Variants in AGBL4 observed in about 807,000 individuals in gnomAD.
The protein encoded by AGBL4 is AGBL carboxypeptidase 4.
AGBL4 carries 58 observed loss-of-function variants against 66.4 expected under a neutral mutation model. The observed-to-expected ratio is 0.87, with a 90% CI of 0.71 to 1.09. The LOEUF is 1.09. AGBL4 is among the 50% of genes least tolerant of loss of function. AGBL4 has a pLI of 0.00. For synonymous variants in AGBL4, 234 were observed against 222.9 expected, an observed-to-expected ratio of 1.05 and a Z score of -0.44; for missense variants, 579 against 631.0, an observed-to-expected ratio of 0.92 and a Z score of 0.88.
chr1:49,767,121 C>T (rs1652787369), intron 2 of AGBL4, among the ~76,000 whole-genome samples: 1 of 152,096 alleles, frequency 6.6e-6, no homozygotes. Flanking sequence ...TAGACAACTA[C>T]ACAACATTCT....
rs79510573 is a variant in AGBL4, at chr1:48,611,156, C to G, written c.952-20171G>C. 9.9e-3 allele frequency among the ~76,000 whole-genome samples: 1,511 copies of G among 152,348 alleles called. 14 individuals are homozygous for G. The highest frequency in any genetic ancestry group is 0.032 in the African/African-American group (1,321 of 41,586). ...TATCTGTTTGTGAAAAACGGATAGG[C>G]CGCCCAGCCCTCTGGCAGCCTGACA... is the stretch of plus-strand genomic sequence containing the variant. On this transcript the variant is annotated intron_variant, in intron 9 of 13. Coordinates refer to ENST00000371839, the MANE Select transcript of AGBL4 (RefSeq NM_032785.4).
chr1:49,110,608 C>A (rs980976091), intron 4 of AGBL4, among the ~76,000 whole-genome samples: 1 of 152,066 alleles, frequency 6.6e-6, no homozygotes. Flanking sequence ...TCCCCTGGAT[C>A]CCCTGCCTCT....
chr1:49,938,425 G>A (rs546779855), intron 1 of AGBL4, among the ~76,000 whole-genome samples: 1 of 152,250 alleles, frequency 6.6e-6, no homozygotes, highest in South Asian at 2.1e-4. Context: ...GTACAAGGAG[G>A]AACTGGTACC....
chr1:49,948,536 A>AATAAAT (rs1655742311), intron 1 of AGBL4, among the ~76,000 whole-genome samples: 1 of 57,498 alleles, frequency 1.7e-5, no homozygotes, highest in South Asian at 8.1e-4. Context: ...AATATATATA[A>AATAAAT]ATATATAAAT....
intron 6 of AGBL4, among the ~76,000 whole-genome samples, chr1:48,806,854 A>T (rs753575300): frequency 3.3e-5 from 5 of 152,210 alleles, no homozygotes; most frequent in East Asian, 3.9e-4. Context: ...TTGTGGCAAG[A>T]TGAACAGCGA....
chr1:48,793,726 T>C (rs1645605069), intron 6 of AGBL4, among the ~76,000 whole-genome samples: 1 of 152,168 alleles, frequency 6.6e-6, no homozygotes, highest in Admixed American at 6.5e-5. Flanking sequence ...ATGACTGACA[T>C]TGAAGGGGTA....
chr1:48,654,215 C>T lies in AGBL4; in HGVS notation c.725-764G>A, dbSNP rs191477611. On this transcript the variant is annotated intron_variant, in intron 7 of 13. Coordinates refer to ENST00000371839, the MANE Select transcript of AGBL4 (RefSeq NM_032785.4). ...TCTTCTCCATCCCACTGCCTGTCTTCTAACCCAGGCTACCATCACACCAGG... is the reference window on the plus strand; with the variant it reads ...TCTTCTCCATCCCACTGCCTGTCTTTTAACCCAGGCTACCATCACACCAGG... 4.0e-4 allele frequency among the ~76,000 whole-genome samples: 61 copies of T among 152,318 alleles called. 1 individual carries two copies. The highest frequency in any genetic ancestry group is 2.9e-4 in the Non-Finnish European group (20 of 68,030).
chr1:49,380,511 A>C (rs1214485020), intron 3 of AGBL4, among the ~76,000 whole-genome samples: 7 of 152,026 alleles, frequency 4.6e-5, no homozygotes, highest in African/African-American at 1.2e-4. Flanking sequence ...GTTCATATGG[A>C]ACCAAAAAAG....
intron 6 of AGBL4, among the ~76,000 whole-genome samples, chr1:48,801,769 T>C (rs537701425): frequency 2.4e-4 from 36 of 152,312 alleles, no homozygotes; most frequent in Non-Finnish European, 4.7e-4. Flanking sequence ...TCTTTTGGTC[T>C]TCTTTGCATG....
At chr1:48,937,605 GT>G (rs1221459034) in intron 5 of AGBL4, among the ~76,000 whole-genome samples, 2 of 151,694 alleles carry the variant, frequency 1.3e-5, no homozygotes, top group African/African-American at 2.4e-5. Flanking sequence ...ATTTGAAAGT[GT>G]TTTTTTTCCT....
intron 4 of AGBL4, among the ~76,000 whole-genome samples, chr1:49,225,629 TA>T (rs2148286437): frequency 6.6e-6 from 1 of 152,326 alleles, no homozygotes; most frequent in Admixed American, 6.5e-5. Context: ...ACATTATTCT[TA>T]CATTGGCACG....
At chr1:48,582,578 A>AG (rs1644755946) in intron 11 of AGBL4, among the ~76,000 whole-genome samples, 1 of 152,218 alleles carries the variant, frequency 6.6e-6, no homozygotes, top group Admixed American at 6.5e-5. Context: ...ACAGAAGGAA[A>AG]GCCATGTAGT....
chr1:49,347,598 G>T (rs1014883210), intron 3 of AGBL4, among the ~76,000 whole-genome samples: 1 of 151,956 alleles, frequency 6.6e-6, no homozygotes, highest in Non-Finnish European at 1.5e-5. Context: ...GGAGGCTCAC[G>T]CCTGTAATCC....
intron 7 of AGBL4, among the ~76,000 whole-genome samples, chr1:48,657,814 C>T (rs1406393857): frequency 6.6e-6 from 1 of 152,146 alleles, no homozygotes; most frequent in African/African-American, 2.4e-5. Context: ...AAAATAGAAA[C>T]TGAATTCAGT....
intron 2 of AGBL4, among the ~76,000 whole-genome samples, chr1:49,717,972 A>T (rs1166953870): frequency 6.6e-6 from 1 of 152,108 alleles, no homozygotes; most frequent in East Asian, 1.9e-4. Flanking sequence ...CAATAGTCAC[A>T]AAAGTAGATA....
intron 4 of AGBL4, among the ~76,000 whole-genome samples, chr1:49,117,381 T>C (rs1300004347): frequency 6.6e-6 from 1 of 152,210 alleles, no homozygotes; most frequent in Non-Finnish European, 1.5e-5. Flanking sequence ...CAATCCATCT[T>C]GAATTAATTT....
At chr1:49,119,500 G>C (rs1251084369) in intron 4 of AGBL4, among the ~76,000 whole-genome samples, 12 of 152,158 alleles carry the variant, frequency 7.9e-5, no homozygotes, top group African/African-American at 2.9e-4. Context: ...CCATGTAGTT[G>C]TGTGGTTTTG....
intron 4 of AGBL4, among the ~76,000 whole-genome samples, chr1:49,190,711 C>G (rs1387986603): frequency 6.6e-6 from 1 of 152,162 alleles, no homozygotes; most frequent in Non-Finnish European, 1.5e-5. Flanking sequence ...CCTCCTTTCA[C>G]TGTTTTTGTC....
rs1380937940 is a variant in AGBL4, at chr1:49,514,617, C to T, written c.282+182696G>A. Among the ~76,000 whole-genome samples the T allele has an allele frequency of 1.2e-3, 179 of 151,994 alleles. 2 individuals carry two copies. Among genetic ancestry groups the T allele is most frequent in the Non-Finnish European group, 2.3e-3 (157 of 67,988 alleles). ...CAAAAGAACAAAGCTGGAGGCATCA[C>T]GCTACCTGACTTCAAACTATACTAC... On this transcript the variant is annotated intron_variant, in intron 3 of 13. Coordinates refer to ENST00000371839, the MANE Select transcript of AGBL4 (RefSeq NM_032785.4).
Sources: gnomAD v4.1 joint callset for allele counts (sites outside exome capture counted in the v4.1 genomes callset) on GRCh38, gnomAD v4.1.1 for gene constraint, MANE v1.5 for transcripts, NCBI Gene and HGNC (gene_info 2026-07-23, HGNC 2026-07-21) for gene names.